The following MAPK10 variants were observed in gnomAD, a reference collection of about 807,000 sequenced individuals.
MAPK10 encodes the protein JNK3 alpha protein kinase.
Under a neutral mutation model 59.3 loss-of-function variants are expected in MAPK10, and 25 were observed. The observed-to-expected ratio is 0.42, with a 90% CI of 0.31 to 0.59. The LOEUF (loss-of-function observed/expected upper bound fraction) is 0.59, where lower values mean the gene tolerates loss of function less well. MAPK10 is among the 20% of genes least tolerant of loss of function. The pLI is 0.15. For synonymous variants in MAPK10, 190 were observed against 200.5 expected, an observed-to-expected ratio of 0.95 and a Z score of 0.44; for missense variants, 351 against 568.9, an observed-to-expected ratio of 0.62 and a Z score of 3.90.
At chr4:86,187,089 A>T (rs1450101245) in intron 3 of MAPK10, among the ~76,000 whole-genome samples, 1 of 152,146 alleles carries the variant, frequency 6.6e-6, no homozygotes, top group Non-Finnish European at 1.5e-5. Context: ...CAGGCTAATC[A>T]GTTCGTATGA....
chr4:86,053,986 T>C (rs1353628140), intron 11 of MAPK10, among the ~76,000 whole-genome samples: 2 of 152,150 alleles, frequency 1.3e-5, no homozygotes, highest in East Asian at 3.9e-4. Flanking sequence ...AAGTATTCTC[T>C]CTCAGTGATC....
intron 1 of MAPK10, among the ~76,000 whole-genome samples, chr4:86,467,453 A>G (rs1342537383): frequency 7.9e-5 from 12 of 152,238 alleles, no homozygotes. Context: ...TTCTTAAATC[A>G]GGTGATGTAT....
At chr4:86,162,616 T>C (rs151166916) in intron 3 of MAPK10, among the ~76,000 whole-genome samples, 23 of 152,218 alleles carry the variant, frequency 1.5e-4, no homozygotes, top group Non-Finnish European at 2.5e-4. Flanking sequence ...CTATTTGTCA[T>C]GGTTTTTTCC....
intron 1 of MAPK10, among the ~76,000 whole-genome samples, chr4:86,459,629 T>C (rs749339129): frequency 1.3e-5 from 2 of 148,930 alleles, no homozygotes; most frequent in African/African-American, 4.9e-5. Flanking sequence ...CTGGATGAGA[T>C]TGGAGACTAT....
At chr4:86,267,389 C>A (rs1375510042) in intron 2 of MAPK10, among the ~76,000 whole-genome samples, 1 of 152,140 alleles carries the variant, frequency 6.6e-6, no homozygotes, top group African/African-American at 2.4e-5. Flanking sequence ...TCTGTGTACT[C>A]CTGTAAGCTA....
chr4:86,140,528 T>C (rs2149176283), intron 4 of MAPK10, among the ~76,000 whole-genome samples: 1 of 107,752 alleles, frequency 9.3e-6, no homozygotes, highest in East Asian at 2.8e-4. Flanking sequence ...CTCTGGGGAC[T>C]ATTGTGGGGT....
chr4:86,138,912 T>A (rs983026935), intron 4 of MAPK10, among the ~76,000 whole-genome samples: 7 of 151,586 alleles, frequency 4.6e-5, no homozygotes, highest in African/African-American at 1.7e-4. Flanking sequence ...AGCCAAATAA[T>A]GAGTGAACTC....
chr4:86,426,689 G>C (rs973916197), intron 1 of MAPK10, among the ~76,000 whole-genome samples: 1 of 152,064 alleles, frequency 6.6e-6, no homozygotes, highest in South Asian at 2.1e-4. Context: ...AAACTTATTC[G>C]AGCATGGATC....
At position 86,483,261 on chromosome 4, in the gene MAPK10, C is replaced by T. The variant is rs554301527; in HGVS notation, c.-263+110649G>A. 1.5e-4 allele frequency among the ~76,000 whole-genome samples: 23 copies of T among 152,168 alleles called. No homozygotes were observed. The South Asian group carries it at 4.8e-3, about 32-fold the overall frequency. On this transcript the variant is annotated intron_variant, in intron 1 of 4. Transcript: ENST00000502302. ...TTCTGCAGAATCCTCACCGATTCTT[C>T]TCAGCTTGAATTAGTTGAAATGCCC...
intron 1 of MAPK10, among the ~76,000 whole-genome samples, chr4:86,540,515 C>T (rs780815411): frequency 1.3e-5 from 2 of 152,024 alleles, no homozygotes; most frequent in African/African-American, 2.4e-5. Context: ...AACAAAAAAA[C>T]TGGGCAATTG....
chr4:86,488,615 A>T (rs1460427216), intron 1 of MAPK10, among the ~76,000 whole-genome samples: 2 of 152,062 alleles, frequency 1.3e-5, no homozygotes, highest in African/African-American at 4.8e-5. Flanking sequence ...GTGATTTTTG[A>T]TGCTAACTGT....
chr4:86,196,844 A>G (rs1011167419), intron 2 of MAPK10, among the ~76,000 whole-genome samples: 6 of 152,106 alleles, frequency 3.9e-5, no homozygotes, highest in Admixed American at 6.6e-5. Context: ...TGTTTTTGGC[A>G]GGTTTGTCGA....
intron 2 of MAPK10, among the ~76,000 whole-genome samples, chr4:86,317,903 C>G (rs984298161): frequency 8.5e-5 from 13 of 152,186 alleles, no homozygotes; most frequent in Non-Finnish European, 4.4e-5. Flanking sequence ...TCTGAAGGCT[C>G]TAGAGGAGCC....
At chr4:86,200,074 T>C (rs998045802) in intron 2 of MAPK10, among the ~76,000 whole-genome samples, 23 of 152,082 alleles carry the variant, frequency 1.5e-4, no homozygotes, top group Non-Finnish European at 2.9e-4. Flanking sequence ...ATTTACTCTG[T>C]AAATTTTAAC....
chr4:86,018,521 T>A (rs1380027798), intron 13 of MAPK10, among the ~76,000 whole-genome samples: 1 of 152,200 alleles, frequency 6.6e-6, no homozygotes, highest in South Asian at 2.1e-4. Flanking sequence ...GTTGAAACCC[T>A]GAGAAGAAAC....
At chr4:86,029,597 G>T (rs1752218536) in intron 12 of MAPK10, among the ~76,000 whole-genome samples, 1 of 151,920 alleles carries the variant, frequency 6.6e-6, no homozygotes, top group South Asian at 2.1e-4. Context: ...ATTTCTACAT[G>T]CATGAAATAT....
At chr4:86,089,161 T>C (rs2149045885) in intron 9 of MAPK10, 1 of 1,447,444 alleles carries the variant, frequency 6.9e-7, no homozygotes, top group South Asian at 1.2e-5. Context: ...AGGGAATTAA[T>C]TGAGAGTGAC....
At chr4:86,075,014 A>AG (rs2149014532) in intron 9 of MAPK10, among the ~76,000 whole-genome samples, 1 of 147,670 alleles carries the variant, frequency 6.8e-6, no homozygotes, top group Admixed American at 6.7e-5. Flanking sequence ...CATTCTCCTC[A>AG]TCACTTTCAG....
intron 9 of MAPK10, chr4:86,080,336 G>A (rs1373695005): frequency 6.6e-6 from 1 of 150,984 alleles, no homozygotes; most frequent in Non-Finnish European, 1.5e-5. Flanking sequence ...CCAAATGAAG[G>A]AAAAGAGCAG....
Sources: gnomAD v4.1 joint callset for allele counts (sites outside exome capture counted in the v4.1 genomes callset) on GRCh38, gnomAD v4.1.1 for gene constraint, MANE v1.5 for transcripts, NCBI Gene and HGNC (gene_info 2026-07-23, HGNC 2026-07-21) for gene names.